TLE1: variants seen among roughly 807,000 people sequenced by gnomAD.
TLE1 encodes TLE family member 1, transcriptional corepressor.
A neutral mutation model predicts 89.8 loss-of-function variants in TLE1; 21 were observed. The observed-to-expected ratio is 0.23, with a 90% CI of 0.17 to 0.34. The LOEUF (loss-of-function observed/expected upper bound fraction) is 0.34, where lower values mean the gene tolerates loss of function less well. TLE1 is among the 10% of genes least tolerant of loss of function. The pLI is 1.00. For synonymous variants in TLE1, 447 were observed against 407.6 expected (o/e 1.10, Z -1.16); for missense variants, 795 against 1,031.2 (o/e 0.77, Z 3.14).
chr9:81,678,587 C>T (rs569453346), intron 4 of TLE1, among the ~76,000 whole-genome samples: 5 of 150,524 alleles, frequency 3.3e-5, no homozygotes, highest in East Asian at 4.0e-4. Flanking sequence ...GGCTGAGGCA[C>T]GTGGCTCACT....
chr9:81,600,126 A>T, intron 14 of TLE1: 2 of 736,316 alleles, frequency 2.7e-6, no homozygotes, highest in Middle Eastern at 2.3e-4. Context: ...CCTAAACAGG[A>T]CAAAGATACA....
intron 4 of TLE1, among the ~76,000 whole-genome samples, chr9:81,684,379 A>G (rs536946623): frequency 1.4e-5 from 2 of 147,982 alleles, no homozygotes; most frequent in Non-Finnish European, 1.5e-5. Context: ...TTAAAGGCCC[A>G]ATTACATTAT....
At chr9:81,642,914 T>C (rs1248891879) in intron 6 of TLE1, among the ~76,000 whole-genome samples, 1 of 151,876 alleles carries the variant, frequency 6.6e-6, no homozygotes, top group East Asian at 1.9e-4. Flanking sequence ...AAGAAGAAAA[T>C]CCTACCACTT....
rs184754908 is a variant in TLE1, at chr9:81,672,271, A to C, written c.234+13405T>G. On this transcript the variant is annotated intron_variant, in intron 4 of 19. Coordinates refer to ENST00000376499, the MANE Select transcript of TLE1 (RefSeq NM_005077.5). ...GCTTGGGATTAAGAGTAAACAGCCT[A>C]AACTTCCAGTTTGACCAATCCCAAT... Among the ~76,000 whole-genome samples the C allele has an allele frequency of 2.0e-3, 304 of 152,196 alleles. 1 individual carries two copies. The highest frequency in any genetic ancestry group is 7.0e-3 in the African/African-American group (290 of 41,524).
At chr9:81,630,434 T>G (rs1050319999) in intron 8 of TLE1, among the ~76,000 whole-genome samples, 4 of 152,238 alleles carry the variant, frequency 2.6e-5, no homozygotes, top group Admixed American at 1.3e-4. Flanking sequence ...ATAATGTTAT[T>G]TGTATTAACA....
At chr9:81,586,596 C>A (rs1587843024) in intron 17 of TLE1, among the ~76,000 whole-genome samples, 1 of 152,274 alleles carries the variant, frequency 6.6e-6, no homozygotes, top group South Asian at 2.1e-4. Context: ...CTTATGGATA[C>A]AATGATATGC....
rs1305709224 is a variant in TLE1, at chr9:81,593,213, C to T, written c.1393G>A (p.Ala465Thr). 28 of 1,613,822 alleles carry T rather than the reference C, an allele frequency of 1.7e-5. No individual in the cohort carries two copies. Among genetic ancestry groups the T allele is most frequent in the Non-Finnish European group, 2.2e-5 (26 of 1,180,008 alleles). Reference protein sequence around the residue: ...QMQPVPFPPDALIGPGIPRHA... With the variant: ...QMQPVPFPPDTLIGPGIPRHA... ...CGGGGGATTCCGGGTCCGATGAGGG[C>T]GTCGGGGGGAAAAGGGACAGGCTGC... Residue 465 changes from alanine (A) to threonine (T), a missense_variant, in exon 15 of 20, where the codon GCC becomes ACC. Ala to Thr is a moderately conservative substitution (Grantham distance 58). Transcript: ENST00000376499.
At chr9:81,661,767 A>G (rs1045471177) in intron 4 of TLE1, among the ~76,000 whole-genome samples, 26 of 152,006 alleles carry the variant, frequency 1.7e-4, no homozygotes, top group Admixed American at 3.3e-4. Context: ...CCCCCCCCCA[A>G]AAAAAATGTA....
intron 4 of TLE1, among the ~76,000 whole-genome samples, chr9:81,684,641 T>C (rs1166717196): frequency 3.3e-5 from 5 of 152,360 alleles, no homozygotes; most frequent in Admixed American, 2.6e-4. Context: ...TTTAATTTAA[T>C]GAAACAAGGG....
intron 6 of TLE1, among the ~76,000 whole-genome samples, chr9:81,644,118 T>C (rs943340148): frequency 5.3e-5 from 8 of 152,130 alleles, no homozygotes; most frequent in African/African-American, 1.4e-4. Context: ...TGTAGAGAAA[T>C]TGGAATTCTC....
At chr9:81,641,535 T>C (rs971452104) in intron 6 of TLE1, among the ~76,000 whole-genome samples, 1 of 152,106 alleles carries the variant, frequency 6.6e-6, no homozygotes, top group Non-Finnish European at 1.5e-5. Flanking sequence ...TTGCAAACCA[T>C]ACCTCAAATA....
chr9:81,678,388 T>TA (rs1009093110), intron 4 of TLE1, among the ~76,000 whole-genome samples: 15 of 151,840 alleles, frequency 9.9e-5, no homozygotes, highest in African/African-American at 2.7e-4. Context: ...TAATTTTTTT[T>TA]AAATCTTTTA....
At chr9:81,670,231 T>C (rs1351366372) in intron 4 of TLE1, among the ~76,000 whole-genome samples, 1 of 152,200 alleles carries the variant, frequency 6.6e-6, no homozygotes, top group East Asian at 1.9e-4. Context: ...TTAACCAGTA[T>C]GCGACAAACA....
intron 14 of TLE1, among the ~76,000 whole-genome samples, chr9:81,598,862 A>T (rs895913417): frequency 6.6e-6 from 1 of 152,202 alleles, no homozygotes; most frequent in Non-Finnish European, 1.5e-5. Context: ...CTTCCCAAGT[A>T]AGCTGTGGCA....
At chr9:81,634,734 C>T (rs780459362) in intron 6 of TLE1, among the ~76,000 whole-genome samples, 15 of 152,082 alleles carry the variant, frequency 9.9e-5, no homozygotes, top group East Asian at 3.9e-4. Flanking sequence ...TTCAGACTCA[C>T]GCTGTTTTCA....
intron 4 of TLE1, among the ~76,000 whole-genome samples, chr9:81,662,248 C>A (rs1830891015): frequency 6.6e-6 from 1 of 152,092 alleles, no homozygotes; most frequent in East Asian, 1.9e-4. Flanking sequence ...TACACACCAA[C>A]CCACAGGCAT....
intron 16 of TLE1, among the ~76,000 whole-genome samples, chr9:81,589,290 C>G (rs1056175567): frequency 1.3e-5 from 2 of 152,196 alleles, no homozygotes; most frequent in African/African-American, 2.4e-5. Context: ...CAGTACCTGG[C>G]AGCTGCTCCC....
chr9:81,624,609 G>A (rs1289398295), intron 8 of TLE1, among the ~76,000 whole-genome samples: 1 of 152,082 alleles, frequency 6.6e-6, no homozygotes, highest in East Asian at 1.9e-4. Flanking sequence ...CCTGACTGAT[G>A]TACTCTAATT....
At chr9:81,679,436 TA>T (rs1246084408) in intron 4 of TLE1, among the ~76,000 whole-genome samples, 1 of 152,144 alleles carries the variant, frequency 6.6e-6, no homozygotes, top group Non-Finnish European at 1.5e-5. Context: ...AATACATGAA[TA>T]TCTTAATTTA....
Sources: allele counts gnomAD v4.1 joint callset (sites outside exome capture counted in the v4.1 genomes callset), GRCh38; gene constraint gnomAD v4.1.1; transcripts MANE v1.5; gene names NCBI Gene and HGNC (gene_info 2026-07-23, HGNC 2026-07-21).